MTOR: variants seen among roughly 807,000 people sequenced by gnomAD.
MTOR encodes mechanistic target of rapamycin kinase.
In MTOR, 70 loss-of-function variants were observed where a neutral mutation model predicts 319.8. The observed-to-expected ratio is 0.22, with a 90% CI of 0.18 to 0.27. MTOR has a LOEUF of 0.27. Among genes scored for constraint, MTOR ranks in the 10% least tolerant of loss-of-function variants. MTOR has a pLI of 1.00. For synonymous variants in MTOR, 1,183 were observed against 1,211.4 expected (o/e 0.98, Z 0.49); for missense variants, 1,890 against 3,274.4 (o/e 0.58, Z 10.32).
In MTOR at chr1:11,122,081, G is replaced by A. The variant is rs2100363102; in HGVS notation, c.6708C>T (p.Leu2236=). 6.2e-7 allele frequency: 1 copy of A among 1,614,266 alleles called. No homozygotes were observed. The highest frequency in any genetic ancestry group is 8.5e-7 in the Non-Finnish European group (1 of 1,180,050). The change falls in exon 48 of 58, where the codon CTC becomes CTT. Residue 2236 remains leucine, a synonymous_variant. Transcript: ENST00000361445. Reference sequence around the variant, plus strand: ...TGTCACAGTGGGGAACCCAGCCAATGAGGCCCGAGTTGGTCGATAAAGGGA... The same window carrying A: ...TGTCACAGTGGGGAACCCAGCCAATAAGGCCCGAGTTGGTCGATAAAGGGA... The part of the protein sequence containing the change: ...AVIPLSTNSG[L]IGWVPHCDTL...
intron 19 of MTOR, among the ~76,000 whole-genome samples, chr1:11,221,286 C>G (rs1646651782): frequency 6.6e-6 from 1 of 152,170 alleles, no homozygotes; most frequent in South Asian, 2.1e-4. Flanking sequence ...TGAGCCACCA[C>G]GCTCAGCCTA....
At chr1:11,228,571 G>A (rs2100852952) in intron 19 of MTOR, 97 bp downstream of exon 19, 1 of 1,493,658 alleles carries the variant, frequency 6.7e-7, no homozygotes, top group South Asian at 1.3e-5. Flanking sequence ...GGGCTCAGGG[G>A]CACAGAGAAT....
At chr1:11,245,142 T>C (rs1006410411) in intron 8 of MTOR, among the ~76,000 whole-genome samples, 2 of 152,222 alleles carry the variant, frequency 1.3e-5, no homozygotes, top group Non-Finnish European at 2.9e-5. Flanking sequence ...GAAAGCCACA[T>C]GTATATTTTC....
intron 18 of MTOR, among the ~76,000 whole-genome samples, chr1:11,230,554 A>G (rs1646982051): frequency 6.6e-6 from 1 of 152,230 alleles, no homozygotes; most frequent in Admixed American, 6.5e-5. Flanking sequence ...AGGAAGAATC[A>G]ATTCTATCCT....
chr1:11,184,733 T>TA (rs1275214438), intron 28 of MTOR, among the ~76,000 whole-genome samples: 2 of 151,420 alleles, frequency 1.3e-5, no homozygotes, highest in Admixed American at 6.6e-5. Context: ...ACTATGTCTC[T>TA]AAAAAAAATA....
chr1:11,168,780 G>A (rs1351245771), intron 28 of MTOR, among the ~76,000 whole-genome samples: 2 of 152,354 alleles, frequency 1.3e-5, no homozygotes, highest in African/African-American at 2.4e-5. Context: ...CTGCTAGGAG[G>A]CCTTGAAAAC....
rs1641751411 is a variant in MTOR at position 11,109,573 on chromosome 1, C to G, written c.7447+76G>C. ...GTTTTGTTGCTTCATCTTGTTGACC[C>G]CTCTCAGGGTATAACACAGCTGCTA... On this transcript the variant is annotated intron_variant, in intron 55 of 57. Coordinates refer to ENST00000361445, the MANE Select transcript of MTOR (RefSeq NM_004958.4). The surrounding 1 kb of genome is among the most constrained non-coding windows in gnomAD (Gnocchi z 4.0). 29 of 1,436,208 alleles carry G rather than the reference C, an allele frequency of 2.0e-5. No homozygotes were observed. The highest frequency in any genetic ancestry group is 2.6e-5 in the Non-Finnish European group (27 of 1,022,594). 89.0% of individuals were successfully genotyped at this position (1,436,208 alleles called of 1,614,324 possible). A position where few individuals can be genotyped will look rare whatever the true frequency, so the allele number is the denominator to read the frequency against.
intron 14 of MTOR, 146 bp downstream of exon 14, chr1:11,233,997 T>C: frequency 8.8e-7 from 1 of 1,142,448 alleles, no homozygotes; most frequent in South Asian, 1.3e-5. Flanking sequence ...TGAAAGTGCT[T>C]GATATGGCCC....
At chr1:11,122,502 ATTTTTT>A (rs35016135) in intron 47 of MTOR, among the ~76,000 whole-genome samples, 1 of 78,732 alleles carries the variant, frequency 1.3e-5, no homozygotes, top group African/African-American at 5.2e-5. Context: ...ACCCAGCCCT[ATTTTTT>A]TTTTTTTTTT....
chr1:11,238,995 C>T (rs1393168077), intron 11 of MTOR, among the ~76,000 whole-genome samples: 6 of 150,234 alleles, frequency 4.0e-5, no homozygotes, highest in Non-Finnish European at 5.9e-5. Context: ...AGGATGGTCT[C>T]GATCTCCTGA....
rs1173472312 is a variant in MTOR, at chr1:11,109,211, C to T, written c.7528+79G>A. The stretch of plus-strand genomic sequence containing the variant: ...AAAGCTCGTCACTAACACCACTGGA[C>T]ATGGGGCTGACCACCACTCAGAGAG... On this transcript the variant is annotated intron_variant, in intron 56 of 57. Coordinates refer to ENST00000361445, the MANE Select transcript of MTOR (RefSeq NM_004958.4). The surrounding 1 kb of genome is among the most constrained non-coding windows in gnomAD (Gnocchi z 4.0). The T allele has an allele frequency of 7.6e-7, 1 of 1,316,264 alleles. No individual in the cohort carries two copies. Among genetic ancestry groups the T allele is most frequent in the Non-Finnish European group, 1.1e-6 (1 of 926,642 alleles). The allele number at this position is 1,316,264 out of a possible 1,614,324, so 81.5% of individuals were successfully genotyped here.
intron 30 of MTOR, among the ~76,000 whole-genome samples, chr1:11,151,932 A>G (rs1347219118): frequency 6.6e-6 from 1 of 152,116 alleles, no homozygotes; most frequent in Non-Finnish European, 1.5e-5. Context: ...TTTCATCTAG[A>G]GCAGGAAGCA....
In MTOR at chr1:11,256,958, C is replaced by T. The variant is rs759750826; in HGVS notation, c.479G>A (p.Arg160His). Residue 160 changes from arginine (R) to histidine (H), a missense_variant, in exon 4 of 58, where the codon CGC (arginine) becomes CAC (histidine). Physicochemically the swap from Arg to His is conservative, Grantham distance 29. Coordinates refer to ENST00000361445, the MANE Select transcript of MTOR (RefSeq NM_004958.4). The part of the protein sequence containing the change: ...KRALEWLGAD[R>H]NEGRRHAAVL... ...AGCTGCATGTCTCCGGCCCTCATTG[C>T]GGTCAGCACCCAGCCATTCCAGGGC... 1.9e-6 allele frequency: 3 copies of T among 1,613,814 alleles called. No homozygotes were observed. The highest frequency in any genetic ancestry group is 1.7e-5 in the Admixed American group (1 of 59,950).
At chr1:11,251,837 T>A (rs1211518386) in intron 6 of MTOR, among the ~76,000 whole-genome samples, 1 of 152,124 alleles carries the variant, frequency 6.6e-6, no homozygotes, top group Non-Finnish European at 1.5e-5. Context: ...CAAGAACTAT[T>A]TCAATGAAAT....
At chr1:11,192,678 G>A (rs1645588965) in intron 28 of MTOR, among the ~76,000 whole-genome samples, 1 of 149,650 alleles carries the variant, frequency 6.7e-6, no homozygotes, top group Non-Finnish European at 1.5e-5. Flanking sequence ...TCAGGAGGCA[G>A]AGGTTGCAGT....
At chr1:11,114,946 G>T in intron 51 of MTOR, 59 bp from the exon 52 acceptor site, 1 of 1,462,522 alleles carries the variant, frequency 6.8e-7, no homozygotes, top group Non-Finnish European at 9.6e-7. Context: ...CCTGGAGCCA[G>T]GTGGAGCAGG....
In MTOR at chr1:11,131,063, G is replaced by C. The variant is rs1289317034; in HGVS notation, c.5365-286C>G. On this transcript the variant is annotated intron_variant, in intron 38 of 57. Coordinates refer to ENST00000361445, the MANE Select transcript of MTOR (RefSeq NM_004958.4). ...CCTCAAGGGATCTCCCGGCCTCCTA[G>C]GGGAGCTCACGCACAAACCTGAAGA... is the stretch of plus-strand genomic sequence containing the variant. 2.6e-5 allele frequency: 13 copies of C among 503,080 alleles called. No individual in the cohort carries two copies. In the Admixed American group the frequency reaches 4.5e-4, roughly 18 times the overall value. 31.2% of individuals were successfully genotyped at this position (503,080 alleles called of 1,614,324 possible).
intron 28 of MTOR, chr1:11,195,502 T>C (rs1645752639): frequency 6.5e-6 from 1 of 154,232 alleles, no homozygotes; most frequent in South Asian, 2.0e-4. Context: ...AAATGGTATT[T>C]CTATTTTTAA....
chr1:11,139,791 A>C, intron 34 of MTOR, 133 bp from the exon 35 acceptor site: 1 of 1,101,632 alleles, frequency 9.1e-7, no homozygotes, highest in Non-Finnish European at 1.3e-6. Context: ...TCCCGGGTTC[A>C]AGCAATTCTC....
Sources: allele counts gnomAD v4.1 joint callset (sites outside exome capture counted in the v4.1 genomes callset), GRCh38; gene constraint gnomAD v4.1.1; non-coding constraint Gnocchi (gnomAD v3.1); transcripts MANE v1.5; gene names NCBI Gene and HGNC (gene_info 2026-07-23, HGNC 2026-07-21).